Variants in TOP1MT observed in about 807,000 individuals in gnomAD.
TOP1MT encodes DNA topoisomerase I mitochondrial.
In TOP1MT, 80 loss-of-function variants were observed where a neutral mutation model predicts 73.9. That is an observed-to-expected ratio of 1.08 (90% CI 0.90 to 1.30). The LOEUF is 1.30. Ranked by LOEUF, TOP1MT falls within the 50% of genes most tolerant of loss-of-function variation. The probability of loss-of-function intolerance (pLI) is 0.00; values close to 1 mark genes in which losing one functional copy is unlikely to be tolerated. For synonymous variants in TOP1MT, 338 were observed against 326.4 expected, an observed-to-expected ratio of 1.04 and a Z score of -0.38; for missense variants, 815 against 808.0, an observed-to-expected ratio of 1.01 and a Z score of -0.10.
At chr8:143,346,104 C>T (rs1337541884), upstream of TOP1MT, among the ~76,000 whole-genome samples, 3 of 152,080 alleles carry the variant, frequency 2.0e-5, no homozygotes, top group Non-Finnish European at 2.9e-5. Flanking sequence ...GTAAAGTTCA[C>T]TTCTCACAAA....
intron 3 of TOP1MT, among the ~76,000 whole-genome samples, chr8:143,326,883 G>T (rs1816722738): frequency 6.6e-6 from 1 of 152,200 alleles, no homozygotes; most frequent in East Asian, 1.9e-4. Context: ...CTGGGGGCTG[G>T]AAGGCTGGGA....
chr8:143,353,608 A>G (rs1187634261), intron 1 of TOP1MT, among the ~76,000 whole-genome samples: 2 of 152,120 alleles, frequency 1.3e-5, no homozygotes, highest in African/African-American at 4.8e-5. Flanking sequence ...AAGACAGAAA[A>G]TAAGTGTTGG....
At chr8:143,338,227 G>A (rs1047113912), upstream of TOP1MT, among the ~76,000 whole-genome samples, 2 of 152,118 alleles carry the variant, frequency 1.3e-5, no homozygotes, top group African/African-American at 4.8e-5. Flanking sequence ...GCTATGATCA[G>A]GCTACTGCAC....
chr8:143,330,505 A>G (rs1051734490), intron 2 of TOP1MT, among the ~76,000 whole-genome samples: 1 of 152,194 alleles, frequency 6.6e-6, no homozygotes, highest in Admixed American at 6.5e-5. Flanking sequence ...CATTGCATCA[A>G]AGGAGCTCAG....
upstream of TOP1MT, among the ~76,000 whole-genome samples, chr8:143,347,216 G>A (rs189881643): frequency 2.6e-4 from 39 of 152,090 alleles, no homozygotes; most frequent in East Asian, 9.7e-4. Flanking sequence ...GTGCAGTGGC[G>A]CGATCTCTGC....
chr8:143,349,833 G>T (rs1223494898), upstream of TOP1MT, among the ~76,000 whole-genome samples: 1 of 152,098 alleles, frequency 6.6e-6, no homozygotes, highest in Non-Finnish European at 1.5e-5. Flanking sequence ...TAGAAACAGG[G>T]TTTCGCCATG....
intron 10 of TOP1MT, among the ~76,000 whole-genome samples, chr8:143,317,387 A>G (rs566402044): frequency 1.2e-3 from 179 of 152,288 alleles, no homozygotes; most frequent in Non-Finnish European, 2.1e-3. Flanking sequence ...GAACCACTGG[A>G]AAGTGCAGAG....
rs1238570589 is a variant in TOP1MT at position 143,329,367 on chromosome 8, A to G, written c.343T>C (p.Phe115Leu). The G allele has an allele frequency of 6.2e-7, 1 of 1,607,764 alleles. No individual in the cohort carries two copies. The highest frequency in any genetic ancestry group is 1.3e-5 in the African/African-American group (1 of 74,390). The change falls in exon 3 of 14, where the codon TTC becomes CTC. Residue 115 changes from phenylalanine to leucine, a missense_variant. Physicochemically the swap from Phe to Leu is conservative, Grantham distance 22 (BLOSUM62 0). This residue lies in a region of TOP1MT where 751 missense variants were observed against 725.4 expected (regional missense o/e 1.04). Transcript: ENST00000329245. The part of the protein sequence containing the change: ...TTKEVFRKNF[F>L]NDWRKEMAVE... Reference sequence around the variant, plus strand: ...GTACCTACCTTTCGCCAGTCATTGAAGAAGTTCTTCCGGAAAACCTCCTTT... The same window carrying G: ...GTACCTACCTTTCGCCAGTCATTGAGGAAGTTCTTCCGGAAAACCTCCTTT...
At chr8:143,319,669 G>C (rs1485604314) in intron 8 of TOP1MT, among the ~76,000 whole-genome samples, 1 of 152,138 alleles carries the variant, frequency 6.6e-6, no homozygotes, top group African/African-American at 2.4e-5. Context: ...TCATCCCTCT[G>C]GGCATCTATG....
intron 1 of TOP1MT, among the ~76,000 whole-genome samples, chr8:143,333,305 A>G (rs1340010747): frequency 6.6e-6 from 1 of 152,004 alleles, no homozygotes; most frequent in East Asian, 1.9e-4. Context: ...AAAATTAGCT[A>G]GGCGTGGTGG....
chr8:143,347,437 G>A (rs1158910810), upstream of TOP1MT, among the ~76,000 whole-genome samples: 3 of 152,128 alleles, frequency 2.0e-5, no homozygotes, highest in African/African-American at 7.2e-5. Flanking sequence ...TTACAGGCAT[G>A]AGCCACCGCA....
chr8:143,312,342 C>G (rs955783425), intron 12 of TOP1MT, among the ~76,000 whole-genome samples: 3 of 152,082 alleles, frequency 2.0e-5, no homozygotes, highest in Non-Finnish European at 4.4e-5. Context: ...CAAACTGAAT[C>G]CAGCAATAGA....
Position 143,324,148 on chromosome 8 carries a change from C to T in TOP1MT, c.817-6G>A, listed in dbSNP as rs756119309. On this transcript the variant is annotated splice_region_variant and splice_polypyrimidine_tract_variant and intron_variant, in intron 6 of 13. Coordinates refer to ENST00000329245, the MANE Select transcript of TOP1MT (RefSeq NM_052963.3). ...TTCTGCCAAGCTGTCTCCCCCTAAA[C>T]GAAGAAAATAACAGGAAAGAAAACA... is the stretch of plus-strand genomic sequence containing the variant. 3.7e-6 allele frequency: 6 copies of T among 1,612,872 alleles called. No individual in the cohort carries two copies. The highest frequency in any genetic ancestry group is 5.1e-6 in the Non-Finnish European group (6 of 1,179,768).
At chr8:143,322,543 C>CACACGCACGCA (rs1816484087) in intron 7 of TOP1MT, among the ~76,000 whole-genome samples, 1 of 95,052 alleles carries the variant, frequency 1.1e-5, no homozygotes, top group Admixed American at 1.2e-4. Context: ...AGATGCACGC[C>CACACGCACGCA]ACACACACGC....
chr8:143,350,310 CTCTT>C lies in TOP1MT; in HGVS notation c.-39+5651_-39+5654del, dbSNP rs765340605. 11 of 152,270 alleles carry C rather than the reference CTCTT, an allele frequency of 7.2e-5. No homozygotes were observed. The East Asian group carries it at 7.7e-4, about 11-fold the overall frequency. The allele number at this position is 152,270 out of a possible 1,614,324, so 9.4% of individuals were successfully genotyped here. ...AGAACACAACCACTATACACCATCA[CTCTT>C]TCTTTCTTTTCACTTTTCTTTTCTT... On this transcript the variant is annotated intron_variant, in intron 1 of 5. Transcript: ENST00000518760.
chr8:143,331,357 A>G lies in TOP1MT; in HGVS notation c.123-18T>C. 1 of 1,600,868 alleles carries G rather than the reference A, an allele frequency of 6.2e-7. No homozygotes were observed. The highest frequency in any genetic ancestry group is 1.1e-5 in the South Asian group (1 of 90,222). On this transcript the variant is annotated intron_variant, in intron 1 of 13. Coordinates refer to ENST00000329245, the MANE Select transcript of TOP1MT (RefSeq NM_052963.3). ...TCTCCCACCTAAAGACGGAGACAGG[A>G]CGTGTCACTCTCCTGGGCCAGGCCC... is the stretch of plus-strand genomic sequence containing the variant.
At chr8:143,357,138 A>C (rs1457373781), upstream of TOP1MT, among the ~76,000 whole-genome samples, 1 of 149,072 alleles carries the variant, frequency 6.7e-6, no homozygotes, top group East Asian at 2.0e-4. Flanking sequence ...ACAGTGGCTT[A>C]CACTTGTAAT....
chr8:143,346,879 G>C (rs1817229899), upstream of TOP1MT, among the ~76,000 whole-genome samples: 1 of 152,106 alleles, frequency 6.6e-6, no homozygotes, highest in Non-Finnish European at 1.5e-5. Flanking sequence ...CCCATGGTAA[G>C]AAATCTACTC....
chr8:143,322,362 A>G, intron 7 of TOP1MT, among the ~76,000 whole-genome samples: 1 of 73,422 alleles, frequency 1.4e-5, no homozygotes, highest in Non-Finnish European at 2.8e-5. Context: ...CACGCACGCC[A>G]CACACACAGG....
Sources: gnomAD v4.1 joint callset for allele counts (sites outside exome capture counted in the v4.1 genomes callset) on GRCh38, gnomAD v4.1.1 for gene constraint, gnomAD v4.1.1 regional missense constraint, MANE v1.5 for transcripts, NCBI Gene and HGNC (gene_info 2026-07-23, HGNC 2026-07-21) for gene names.